Variants in PCDHGB6 observed in about 807,000 individuals in gnomAD.
PCDHGB6 encodes the protein protocadherin gamma-B6.
In PCDHGB6, 51 loss-of-function variants were observed where a neutral mutation model predicts 59.1. That is an observed-to-expected ratio of 0.86 (90% confidence interval 0.69 to 1.09). PCDHGB6 has a LOEUF of 1.09. Among genes scored for constraint, PCDHGB6 ranks in the 50% least tolerant of loss-of-function variants. The probability of loss-of-function intolerance (pLI) is 0.00; values close to 1 mark genes in which losing one functional copy is unlikely to be tolerated. For synonymous variants in PCDHGB6, 466 were observed against 495.1 expected (o/e 0.94, Z 0.78); for missense variants, 1,148 against 1,205.1 (o/e 0.95, Z 0.70).
At position 141,472,368 on chromosome 5, in the gene PCDHGB6, C is replaced by T. The variant is rs555805048; in HGVS notation, c.2419-22439C>T. ...CATCCTGGCTAACACGGTGAAACCC[C>T]GTCTCCACTAAAAATAGAAAAAATT... is the stretch of plus-strand genomic sequence containing the variant. On this transcript the variant is annotated intron_variant, in intron 1 of 3. Transcript: ENST00000520790. Among the ~76,000 whole-genome samples, 214 of 152,012 alleles carry T rather than the reference C, an allele frequency of 1.4e-3. 1 individual carries two copies. The highest frequency in any genetic ancestry group is 4.8e-3 in the African/African-American group (199 of 41,452).
intron 1 of PCDHGB6, among the ~76,000 whole-genome samples, chr5:141,472,145 A>G (rs1376068421): frequency 6.6e-6 from 1 of 152,244 alleles, no homozygotes; most frequent in Non-Finnish European, 1.5e-5. Flanking sequence ...TAAAAGTTTC[A>G]TGGTTACATA....
chr5:141,494,894 C>A, intron 2 of PCDHGB6, 29 bp downstream of exon 2: 1 of 1,614,116 alleles, frequency 6.2e-7, no homozygotes, highest in South Asian at 1.1e-5. Flanking sequence ...AGCCCACCCT[C>A]TTCTCTGCGG....
At chr5:141,478,306 G>A (rs1316502939) in intron 1 of PCDHGB6, 2 of 1,614,056 alleles carry the variant, frequency 1.2e-6, no homozygotes, top group South Asian at 2.2e-5. Flanking sequence ...ACCGAGCCCC[G>A]GTGAGCTCAC....
chr5:141,460,414 T>G (rs1289935272), intron 1 of PCDHGB6, among the ~76,000 whole-genome samples: 1 of 152,216 alleles, frequency 6.6e-6, no homozygotes, highest in Non-Finnish European at 1.5e-5. Context: ...GAGTTGATGT[T>G]TATGTATGGT....
chr5:141,418,751 A>G (rs2096284782), intron 1 of PCDHGB6: 2 of 1,613,840 alleles, frequency 1.2e-6, no homozygotes, highest in African/African-American at 2.7e-5. Context: ...GGATTACACT[A>G]CAGGAAACAT....
intron 1 of PCDHGB6, chr5:141,430,960 C>T (rs2097330619): frequency 6.2e-7 from 1 of 1,612,432 alleles, no homozygotes; most frequent in Non-Finnish European, 8.5e-7. Context: ...TCCGCATCAT[C>T]CCCAGAGGTA....
chr5:141,428,091 T>A lies in PCDHGB6; in HGVS notation c.2418+17471T>A, dbSNP rs769710543. 1.1e-5 allele frequency: 17 copies of A among 1,609,000 alleles called. No homozygotes were observed. In the African/African-American group the frequency reaches 1.5e-4, roughly 14 times the overall value. On this transcript the variant is annotated intron_variant, in intron 1 of 3. Transcript: ENST00000520790. ...AGATTCGGGACACAACGCTTGGCTGTCCTACCACGTGCTGCAGGCCATCGA... is the reference window on the plus strand; with the variant it reads ...AGATTCGGGACACAACGCTTGGCTGACCTACCACGTGCTGCAGGCCATCGA...
At chr5:141,450,888 G>C (rs1038570371) in intron 1 of PCDHGB6, among the ~76,000 whole-genome samples, 27 of 145,380 alleles carry the variant, frequency 1.9e-4, no homozygotes, top group Non-Finnish European at 3.9e-4. Flanking sequence ...GCAGTGGTGC[G>C]ATATCGGCTC....
In PCDHGB6 at chr5:141,418,416, C is replaced by G. The variant is rs377542164; in HGVS notation, c.2418+7796C>G. The G allele has an allele frequency of 2.9e-5, 46 of 1,613,866 alleles. No homozygotes were observed. Among genetic ancestry groups the G allele is most frequent in the Non-Finnish European group, 3.4e-5 (40 of 1,179,880 alleles). ...TTCTCATTGGTGGAGAAAGACAATC[C>G]TGATGGTGGCAAATATCCAGAATTA... On this transcript the variant is annotated intron_variant, in intron 1 of 3. Transcript: ENST00000520790.
chr5:141,409,988 GC>G lies in PCDHGB6; in HGVS notation c.1788del (p.Asp597ThrfsTer36). The part of the protein sequence containing the change: ...YLVTKVVAVD[A>X]DSGHNAWLSY... ...AGTGACTAAGGTGGTAGCGGTGGACGCCGACTCGGGACACAACGCCTGGCTG... is the reference window on the plus strand; with the variant it reads ...AGTGACTAAGGTGGTAGCGGTGGACGCGACTCGGGACACAACGCCTGGCTG... On this transcript the variant is annotated frameshift_variant, in exon 1 of 4. Transcript: ENST00000520790. LOFTEE classifies it high-confidence loss of function. 1 of 1,613,278 alleles carries G rather than the reference GC, an allele frequency of 6.2e-7. No individual in the cohort carries two copies. Among genetic ancestry groups the G allele is most frequent in the Non-Finnish European group, 8.5e-7 (1 of 1,179,814 alleles).
At position 141,490,162 on chromosome 5, in the gene PCDHGB6, A is replaced by G. The variant is rs1371128858; in HGVS notation, c.2419-4645A>G. The G allele has an allele frequency of 1.2e-6, 2 of 1,614,218 alleles. No individual in the cohort carries two copies. The highest frequency in any genetic ancestry group is 1.7e-6 in the Non-Finnish European group (2 of 1,180,028). ...TGGGGCAATCCATGTGTTGGGTCCCATAGACTTTGAGGAGTCACGTTTCTA... is the reference window on the plus strand; with the variant it reads ...TGGGGCAATCCATGTGTTGGGTCCCGTAGACTTTGAGGAGTCACGTTTCTA... On this transcript the variant is annotated intron_variant, in intron 1 of 3. Transcript: ENST00000520790. This position sits in a 1 kb window ranked among gnomAD's most constrained non-coding sequence, Gnocchi z 5.4.
chr5:141,426,364 G>C (rs918838005), intron 1 of PCDHGB6: 1 of 202,328 alleles, frequency 4.9e-6, no homozygotes, highest in Non-Finnish European at 1.0e-5. Flanking sequence ...TTTGTTCTGC[G>C]GGGCACCCTC....
chr5:141,453,524 C>T (rs1351750021), intron 1 of PCDHGB6, among the ~76,000 whole-genome samples: 1 of 152,060 alleles, frequency 6.6e-6, no homozygotes, highest in Non-Finnish European at 1.5e-5. Flanking sequence ...TCCCCTATAC[C>T]TTCTGCCTCA....
intron 1 of PCDHGB6, among the ~76,000 whole-genome samples, chr5:141,463,539 C>T (rs1408887405): frequency 6.7e-6 from 1 of 148,606 alleles, no homozygotes; most frequent in Admixed American, 6.8e-5. Context: ...AACTCCGGCT[C>T]CCGGGTTCAT....
chr5:141,421,850 C>T, intron 1 of PCDHGB6: 1 of 1,613,752 alleles, frequency 6.2e-7, no homozygotes, highest in Non-Finnish European at 8.5e-7. Context: ...AAAGAGGCTG[C>T]TCACCTGCTC....
rs2099883868 is a variant in PCDHGB6 at position 141,511,590 on chromosome 5, A to G, written c.*417A>G. On this transcript the variant is annotated 3_prime_UTR_variant, in exon 4 of 4. Transcript: ENST00000520790. The stretch of plus-strand genomic sequence containing the variant: ...AGTAAGGTGGTTGGGGTGTTGAAGT[A>G]CCAAGTAACCTACAAGCCTCCTAGT... 3.7e-6 allele frequency: 1 copy of G among 267,908 alleles called. No individual in the cohort carries two copies. The highest frequency in any genetic ancestry group is 7.4e-6 in the Non-Finnish European group (1 of 135,038). 16.6% of individuals were successfully genotyped at this position (267,908 alleles called of 1,614,324 possible). A position where few individuals can be genotyped will look rare whatever the true frequency, so the allele number is the denominator to read the frequency against.
Position 141,485,164 on chromosome 5 carries a change from G to A in PCDHGB6, c.2419-9643G>A, listed in dbSNP as rs2099608516. 2 of 1,605,832 alleles carry A rather than the reference G, an allele frequency of 1.2e-6. No homozygotes were observed. Among genetic ancestry groups the A allele is most frequent in the Admixed American group, 1.7e-5 (1 of 59,836 alleles). On this transcript the variant is annotated intron_variant, in intron 1 of 3. Coordinates refer to ENST00000520790, the MANE Select transcript of PCDHGB6 (RefSeq NM_018926.3). This position sits in a 1 kb window ranked among gnomAD's most constrained non-coding sequence, Gnocchi z 5.7. ...CTCAGGAGCAAGTAGAGAATTAGCG[G>A]GCGGCAGCAATGCTCCGCAAGGTGA...
At position 141,408,978 on chromosome 5, in the gene PCDHGB6, C is replaced by A. The variant is rs1444971938; in HGVS notation, c.776C>A (p.Ser259Tyr). The change falls in exon 1 of 4, where the codon TCC (serine) becomes TAC (tyrosine). Residue 259 changes from serine to tyrosine, a missense_variant. Coordinates refer to ENST00000520790, the MANE Select transcript of PCDHGB6 (RefSeq NM_018926.3). ...CTTAGTGAAAATCTGCCCCCTGGGT[C>A]CCCTGTGTTGCAAGTGACAGCCACT... ...ISLSENLPPG[S>Y]PVLQVTATDQ... The A allele has an allele frequency of 6.2e-7, 1 of 1,613,862 alleles. No individual in the cohort carries two copies. Among genetic ancestry groups the A allele is most frequent in the African/African-American group, 1.3e-5 (1 of 75,026 alleles).
chr5:141,511,730 T>C lies in PCDHGB6; in HGVS notation c.*557T>C, dbSNP rs772107999. 5.1e-5 allele frequency: 9 copies of C among 177,790 alleles called. No homozygotes were observed. The highest frequency in any genetic ancestry group is 5.3e-5 in the Admixed American group (1 of 18,706). The allele number at this position is 177,790 out of a possible 1,614,324, so 11.0% of individuals were successfully genotyped here. On this transcript the variant is annotated 3_prime_UTR_variant, in exon 4 of 4. Transcript: ENST00000520790. ...ACCTCCTTCCAGAGCCCAAGATCAA[T>C]GCTCAAGTTTTGGAGGACATGATCA...
Sources: allele counts gnomAD v4.1 joint callset (sites outside exome capture counted in the v4.1 genomes callset), GRCh38; gene constraint gnomAD v4.1.1; non-coding constraint Gnocchi (gnomAD v3.1); transcripts MANE v1.5; gene names NCBI Gene and HGNC (gene_info 2026-07-23, HGNC 2026-07-21).